ATL1: variants seen among roughly 807,000 people sequenced by gnomAD.
ATL1 encodes the protein atlastin GTPase 1.
Under a neutral mutation model 75.5 loss-of-function variants are expected in ATL1, and 31 were observed. That is an observed-to-expected ratio of 0.41 (90% CI 0.31 to 0.55). The LOEUF is 0.55. ATL1 is among the 20% of genes least tolerant of loss of function. The pLI, the probability that ATL1 is intolerant of heterozygous loss-of-function variation, is 0.27. For missense variants in ATL1, 405 were observed against 662.6 expected (o/e 0.61, Z 4.27); for synonymous variants, 226 against 233.3 (o/e 0.97, Z 0.28).
chr14:50,545,693 C>T (rs761228809), intron 1 of ATL1, among the ~76,000 whole-genome samples: 5 of 152,088 alleles, frequency 3.3e-5, no homozygotes, highest in East Asian at 1.9e-4. Flanking sequence ...AAGGCACATG[C>T]GAGTATCCAT....
chr14:50,553,648 A>G (rs2140163715), intron 1 of ATL1, among the ~76,000 whole-genome samples: 1 of 152,346 alleles, frequency 6.6e-6, no homozygotes, highest in African/African-American at 2.4e-5. Flanking sequence ...AGATGAATGC[A>G]CACGCATGTT....
intron 1 of ATL1, among the ~76,000 whole-genome samples, chr14:50,575,200 T>A (rs1232581930): frequency 2.6e-5 from 4 of 151,644 alleles, no homozygotes; most frequent in Admixed American, 2.6e-4. Context: ...CATCATCATG[T>A]CATTGTTCTT....
rs1161799827 is a variant in ATL1 at position 50,625,980 on chromosome 14, C to T, written c.1120-2051C>T. Among the ~76,000 whole-genome samples the T allele has an allele frequency of 2.0e-5, 3 of 151,904 alleles. No homozygotes were observed. The East Asian group carries it at 5.8e-4, about 29-fold the overall frequency. On this transcript the variant is annotated intron_variant, in intron 11 of 13. Coordinates refer to ENST00000358385, the MANE Select transcript of ATL1 (RefSeq NM_015915.5). ...TAATGGAAGAACAAAGCCTATGTAA[C>T]AGTACAGCTGTTTACAGCATGGGTT...
chr14:50,588,267 C>T (rs1308025163), intron 2 of ATL1, among the ~76,000 whole-genome samples, 189 bp downstream of exon 2: 2 of 152,174 alleles, frequency 1.3e-5, no homozygotes, highest in African/African-American at 2.4e-5. Context: ...GACCAATTTT[C>T]TCTGAAGCTG....
chr14:50,594,299 C>T (rs1388683192), intron 5 of ATL1, among the ~76,000 whole-genome samples: 1 of 152,136 alleles, frequency 6.6e-6, no homozygotes, highest in Admixed American at 6.5e-5. Context: ...AAACAGCCTC[C>T]ATGATTCAAT....
intron 1 of ATL1, 93 bp from the exon 2 acceptor site, chr14:50,587,738 T>C: frequency 6.5e-7 from 1 of 1,529,120 alleles, no homozygotes; most frequent in South Asian, 1.1e-5. Flanking sequence ...TCCAGTATGC[T>C]CCTGTGTCGG....
upstream of ATL1, among the ~76,000 whole-genome samples, chr14:50,555,889 G>T (rs2038759544): frequency 6.6e-6 from 1 of 152,146 alleles, no homozygotes; most frequent in African/African-American, 2.4e-5. Flanking sequence ...TATTTATAGA[G>T]GGAAGGAGCA....
At chr14:50,632,186 G>C in intron 13 of ATL1, 43 bp from the exon 14 acceptor site, 1 of 1,428,246 alleles carries the variant, frequency 7.0e-7, no homozygotes. Context: ...TTACATCTGT[G>C]TGTTTAATAA....
chr14:50,608,037 T>C (rs1488608881), intron 6 of ATL1, among the ~76,000 whole-genome samples: 1 of 152,108 alleles, frequency 6.6e-6, no homozygotes, highest in African/African-American at 2.4e-5. Context: ...TTTTAAAAAG[T>C]TAGATGATTA....
intron 6 of ATL1, 86 bp from the exon 7 acceptor site, chr14:50,613,173 G>A (rs1469677983): frequency 3.5e-5 from 34 of 965,132 alleles, no homozygotes; most frequent in Non-Finnish European, 5.7e-5. Context: ...ATATTCAAAT[G>A]ACAGTGATAT....
At chr14:50,599,712 T>G (rs1190336769) in intron 6 of ATL1, among the ~76,000 whole-genome samples, 4 of 151,984 alleles carry the variant, frequency 2.6e-5, no homozygotes. Context: ...CAGAAAAAAG[T>G]GTGAGATTTA....
At chr14:50,590,862 G>C in intron 2 of ATL1, 79 bp from the exon 3 acceptor site, 1 of 1,442,574 alleles carries the variant, frequency 6.9e-7, no homozygotes, top group Non-Finnish European at 9.7e-7. Flanking sequence ...ATTGGAGAGG[G>C]ATAAGAATCA....
At chr14:50,573,699 C>T (rs911238831) in intron 1 of ATL1, among the ~76,000 whole-genome samples, 2 of 152,044 alleles carry the variant, frequency 1.3e-5, no homozygotes, top group African/African-American at 4.8e-5. Context: ...ACTGCTTTAT[C>T]TACCAAATAC....
chr14:50,626,236 A>G lies in ATL1; in HGVS notation c.1120-1795A>G, dbSNP rs572007238. The stretch of plus-strand genomic sequence containing the variant: ...TACATTTTGTAAGGCTATAGCTGCC[A>G]TAGATAGTGATTCTTTTGATGGATC... On this transcript the variant is annotated intron_variant, in intron 11 of 13. Transcript: ENST00000358385. Among the ~76,000 whole-genome samples, 23 of 152,382 alleles carry G rather than the reference A, an allele frequency of 1.5e-4. No individual in the cohort carries two copies. In the East Asian group the frequency reaches 4.4e-3, roughly 29 times the overall value.
chr14:50,559,882 CG>C (rs1439711036), upstream of ATL1: 2 of 285,810 alleles, frequency 7.0e-6, no homozygotes, highest in Admixed American at 9.0e-5. Context: ...TGCAGTATAT[CG>C]GTTTGTGTAT....
chr14:50,578,585 C>G (rs1163798026), intron 1 of ATL1, among the ~76,000 whole-genome samples: 1 of 152,210 alleles, frequency 6.6e-6, no homozygotes, highest in Admixed American at 6.5e-5. Flanking sequence ...ATGCCAAACA[C>G]ACTCTCCCAC....
intron 1 of ATL1, among the ~76,000 whole-genome samples, chr14:50,584,193 G>T (rs553162263): frequency 1.3e-5 from 2 of 152,040 alleles, no homozygotes; most frequent in East Asian, 3.9e-4. Context: ...TGAGCAACAT[G>T]GTGAGACCCC....
intron 6 of ATL1, among the ~76,000 whole-genome samples, chr14:50,611,540 T>C (rs2039366536): frequency 1.3e-5 from 2 of 152,084 alleles, no homozygotes; most frequent in Non-Finnish European, 2.9e-5. Context: ...GATTTTCTTA[T>C]GGCAGGGAAT....
intron 1 of ATL1, among the ~76,000 whole-genome samples, chr14:50,548,070 G>T (rs1444654866): frequency 6.6e-6 from 1 of 152,110 alleles, no homozygotes; most frequent in African/African-American, 2.4e-5. Flanking sequence ...AAGAACAGGG[G>T]ATGGGAAGCC....
Sources: gnomAD v4.1 joint callset for allele counts (sites outside exome capture counted in the v4.1 genomes callset) on GRCh38, gnomAD v4.1.1 for gene constraint, MANE v1.5 for transcripts, NCBI Gene and HGNC (gene_info 2026-07-23, HGNC 2026-07-21) for gene names.